Variants in ZNF385B observed in about 807,000 individuals in gnomAD.
ZNF385B encodes the protein zinc finger protein 533.
In ZNF385B, 23 loss-of-function variants were observed where a neutral mutation model predicts 39.2. The observed-to-expected ratio is 0.59, with a 90% confidence interval of 0.42 to 0.83. The LOEUF is 0.83. Ranked by LOEUF, ZNF385B falls within the 40% of genes least tolerant of loss-of-function variation. The pLI is 0.00. For synonymous variants in ZNF385B, 205 were observed against 222.6 expected (o/e 0.92, Z 0.70); for missense variants, 552 against 598.9 (o/e 0.92, Z 0.82).
intron 3 of ZNF385B, among the ~76,000 whole-genome samples, chr2:179,595,277 G>T (rs919127412): frequency 6.6e-6 from 1 of 152,036 alleles, no homozygotes; most frequent in African/African-American, 2.4e-5. Flanking sequence ...GCTTTCTAAG[G>T]CCTTTTTAAT....
intron 1 of ZNF385B, among the ~76,000 whole-genome samples, chr2:179,805,439 C>G (rs1007469846): frequency 5.9e-5 from 9 of 152,148 alleles, no homozygotes; most frequent in Non-Finnish European, 8.8e-5. Context: ...AACCAAAACA[C>G]CATTCATGAA....
chr2:179,797,336 C>A (rs1705732356), intron 1 of ZNF385B, among the ~76,000 whole-genome samples: 1 of 152,106 alleles, frequency 6.6e-6, no homozygotes, highest in African/African-American at 2.4e-5. Context: ...ATCATTTTAC[C>A]TATAAATATT....
intron 3 of ZNF385B, among the ~76,000 whole-genome samples, chr2:179,685,631 T>C (rs11901346): frequency 0.2 from 29,780 of 151,998 alleles, 3,207 homozygotes; most frequent in Admixed American, 0.25. Flanking sequence ...AGCACAATTT[T>C]TTACTGCCTA....
Position 179,785,557 on chromosome 2 carries a change from T to C in ZNF385B, c.-154-14885A>G, listed in dbSNP as rs1462207. On this transcript the variant is annotated intron_variant, in intron 1 of 9. Coordinates refer to ENST00000410066, the MANE Select transcript of ZNF385B (RefSeq NM_152520.6). ...CTCAAAATATCAACATTCACAGGAATTTGGAAGAAGTTAATTCTAATCCTC... is the reference window on the plus strand; with the variant it reads ...CTCAAAATATCAACATTCACAGGAACTTGGAAGAAGTTAATTCTAATCCTC... Among the ~76,000 whole-genome samples the C allele has an allele frequency of 5.6e-3, 856 of 152,150 alleles. 5 individuals are homozygous for C. Among genetic ancestry groups the C allele is most frequent in the African/African-American group, 8.7e-3 (360 of 41,514 alleles).
chr2:179,623,904 G>C (rs1049884370), intron 3 of ZNF385B, among the ~76,000 whole-genome samples: 1 of 152,138 alleles, frequency 6.6e-6, no homozygotes, highest in East Asian at 1.9e-4. Flanking sequence ...TTTCAAAAGA[G>C]TTGTTAGACT....
chr2:179,695,040 C>T (rs1698634149), intron 3 of ZNF385B, among the ~76,000 whole-genome samples: 1 of 151,988 alleles, frequency 6.6e-6, no homozygotes, highest in Non-Finnish European at 1.5e-5. Flanking sequence ...TCTTCTTACC[C>T]TCTGATGCAT....
At chr2:179,662,356 T>C (rs1343205741) in intron 3 of ZNF385B, among the ~76,000 whole-genome samples, 1 of 144,444 alleles carries the variant, frequency 6.9e-6, no homozygotes, top group African/African-American at 2.5e-5. Flanking sequence ...AGTTTATGGG[T>C]AATTTTTTTT....
At chr2:179,562,048 TCTAA>T (rs1297198095) in intron 3 of ZNF385B, among the ~76,000 whole-genome samples, 2 of 152,178 alleles carry the variant, frequency 1.3e-5, no homozygotes, top group African/African-American at 4.8e-5. Flanking sequence ...GAGAGAGAGT[TCTAA>T]CATAGTTGAA....
chr2:179,703,987 G>A (rs1575286811), intron 3 of ZNF385B, among the ~76,000 whole-genome samples: 1 of 152,182 alleles, frequency 6.6e-6, no homozygotes, highest in African/African-American at 2.4e-5. Flanking sequence ...CTAAGTGATT[G>A]AATTTAATCC....
chr2:179,856,784 A>G (rs1684641255), intron 1 of ZNF385B, among the ~76,000 whole-genome samples: 1 of 152,246 alleles, frequency 6.6e-6, no homozygotes, highest in African/African-American at 2.4e-5. Context: ...ATCATGTATC[A>G]GTAAAATGAG....
chr2:179,787,252 A>C (rs1705060412), intron 1 of ZNF385B, among the ~76,000 whole-genome samples: 2 of 152,024 alleles, frequency 1.3e-5, no homozygotes, highest in African/African-American at 4.8e-5. Context: ...ATATATTCAA[A>C]TCTACCCACC....
At chr2:179,443,865 A>T (rs1487267045) in intron 9 of ZNF385B, among the ~76,000 whole-genome samples, 1 of 152,188 alleles carries the variant, frequency 6.6e-6, no homozygotes, top group African/African-American at 2.4e-5. Context: ...AATAAGTGTG[A>T]TCCTTCCCTT....
intron 3 of ZNF385B, among the ~76,000 whole-genome samples, chr2:179,722,840 T>C (rs1700778615): frequency 1.3e-5 from 2 of 152,130 alleles, no homozygotes; most frequent in South Asian, 4.1e-4. Context: ...TTAGCTCTAC[T>C]ATATGACTAC....
chr2:179,552,359 A>T (rs145312865), intron 3 of ZNF385B, among the ~76,000 whole-genome samples: 6 of 149,308 alleles, frequency 4.0e-5, no homozygotes, highest in South Asian at 2.2e-4. Flanking sequence ...AATGAGATCA[A>T]ATCTGTATAT....
intron 3 of ZNF385B, among the ~76,000 whole-genome samples, chr2:179,644,335 C>G (rs890814591): frequency 1.4e-5 from 2 of 141,606 alleles, no homozygotes; most frequent in Non-Finnish European, 3.2e-5. Context: ...CTCATTTAAA[C>G]CTCAGAACAA....
intron 1 of ZNF385B, among the ~76,000 whole-genome samples, chr2:179,842,304 CT>C (rs1708577194): frequency 6.6e-6 from 1 of 152,116 alleles, no homozygotes; most frequent in Non-Finnish European, 1.5e-5. Flanking sequence ...GAAACTGAAA[CT>C]AAAAATAAAG....
intron 4 of ZNF385B, among the ~76,000 whole-genome samples, chr2:179,544,045 A>C (rs991682643): frequency 2.0e-4 from 31 of 152,196 alleles, no homozygotes; most frequent in Non-Finnish European, 4.3e-4. Flanking sequence ...AATCAAGCAG[A>C]CAATGTATGC....
intron 3 of ZNF385B, among the ~76,000 whole-genome samples, chr2:179,764,034 TC>T (rs1703550143): frequency 6.6e-6 from 1 of 152,300 alleles, no homozygotes; most frequent in Admixed American, 6.5e-5. Context: ...TGTTTAATAA[TC>T]CTATCAGTTG....
At chr2:179,813,827 TA>T (rs1706886785) in intron 1 of ZNF385B, among the ~76,000 whole-genome samples, 1 of 152,104 alleles carries the variant, frequency 6.6e-6, no homozygotes, top group South Asian at 2.1e-4. Flanking sequence ...ACAAGAGTCA[TA>T]AAACAGTATA....
Sources: gnomAD v4.1 joint callset for allele counts (sites outside exome capture counted in the v4.1 genomes callset) on GRCh38, gnomAD v4.1.1 for gene constraint, MANE v1.5 for transcripts, NCBI Gene and HGNC (gene_info 2026-07-23, HGNC 2026-07-21) for gene names.